The following GULP1 variants were observed in gnomAD, a reference collection of about 807,000 sequenced individuals.
GULP1 encodes the protein PTB domain-containing engulfment adapter protein 1.
In GULP1, 19 loss-of-function variants were observed where a neutral mutation model predicts 40.9. The ratio of observed to expected loss-of-function variants is 0.46; its 90% CI spans 0.32 to 0.68. The LOEUF is 0.68. Among genes scored for constraint, GULP1 ranks in the 30% least tolerant of loss-of-function variants. The pLI is 0.03. For synonymous variants in GULP1, 119 were observed against 117.6 expected (o/e 1.01, Z -0.08); for missense variants, 312 against 362.2 (o/e 0.86, Z 1.12).
intron 7 of GULP1, among the ~76,000 whole-genome samples, chr2:188,543,154 CTTG>C (rs1374858671): frequency 3.3e-5 from 5 of 151,896 alleles, no homozygotes; most frequent in African/African-American, 9.7e-5. Context: ...ACTATTTTCT[CTTG>C]TTGTGCGCAT....
chr2:188,378,278 GAAAA>G (rs71723258), intron 1 of GULP1, among the ~76,000 whole-genome samples: 1 of 95,542 alleles, frequency 1.0e-5, no homozygotes. Context: ...TCTCTATATA[GAAAA>G]AAAAAAAAAA....
At chr2:188,584,741 T>A (rs1702011756) in intron 10 of GULP1, among the ~76,000 whole-genome samples, 1 of 152,000 alleles carries the variant, frequency 6.6e-6, no homozygotes, top group Non-Finnish European at 1.5e-5. Flanking sequence ...ATTAAATTGA[T>A]CATTTTTTAC....
intron 2 of GULP1, among the ~76,000 whole-genome samples, chr2:188,437,054 C>T (rs1025975963): frequency 6.6e-6 from 1 of 152,044 alleles, no homozygotes; most frequent in Non-Finnish European, 1.5e-5. Context: ...GGTAGGACAA[C>T]TTTTCTAATA....
At chr2:188,532,168 C>G (rs1326708755) in intron 6 of GULP1, among the ~76,000 whole-genome samples, 1 of 152,172 alleles carries the variant, frequency 6.6e-6, no homozygotes, top group Non-Finnish European at 1.5e-5. Context: ...ATATTCTAAA[C>G]TCTAATAATT....
intron 2 of GULP1, among the ~76,000 whole-genome samples, chr2:188,461,446 G>A (rs1333634149): frequency 3.3e-5 from 5 of 150,128 alleles, no homozygotes; most frequent in African/African-American, 9.8e-5. Context: ...TCAGCCTCCC[G>A]AGTAGCTGAG....
intron 1 of GULP1, among the ~76,000 whole-genome samples, chr2:188,326,823 C>CTA (rs1295150467): frequency 1.3e-5 from 2 of 152,056 alleles, no homozygotes; most frequent in Non-Finnish European, 2.9e-5. Flanking sequence ...GACACTCTTC[C>CTA]TAGAAGCTCT....
chr2:188,455,888 G>A (rs2059215810), intron 2 of GULP1, among the ~76,000 whole-genome samples: 1 of 152,194 alleles, frequency 6.6e-6, no homozygotes, highest in Non-Finnish European at 1.5e-5. Flanking sequence ...TCCAGGCTGA[G>A]TTGGTCTCAG....
At chr2:188,411,487 T>C (rs1197140375) in intron 2 of GULP1, among the ~76,000 whole-genome samples, 2 of 152,122 alleles carry the variant, frequency 1.3e-5, no homozygotes, top group Non-Finnish European at 2.9e-5. Context: ...CACTGGGTGA[T>C]GAAAGGGGTG....
intron 7 of GULP1, among the ~76,000 whole-genome samples, chr2:188,548,618 A>T (rs1003980158): frequency 6.6e-6 from 1 of 152,046 alleles, no homozygotes; most frequent in Non-Finnish European, 1.5e-5. Flanking sequence ...TGGAATCACT[A>T]AAACAATTTC....
At chr2:188,536,081 G>A (rs941886277) in intron 6 of GULP1, among the ~76,000 whole-genome samples, 1 of 151,840 alleles carries the variant, frequency 6.6e-6, no homozygotes, top group Non-Finnish European at 1.5e-5. Context: ...GTTTCTTATA[G>A]AACCTGGGTA....
intron 1 of GULP1, among the ~76,000 whole-genome samples, chr2:188,361,484 C>T (rs1349960667): frequency 6.6e-6 from 1 of 151,668 alleles, no homozygotes; most frequent in Admixed American, 6.6e-5. Flanking sequence ...TAAGTGTTGG[C>T]GGAAACTATG....
intron 4 of GULP1, among the ~76,000 whole-genome samples, chr2:188,519,492 T>G (rs1004630424): frequency 1.3e-5 from 2 of 152,218 alleles, no homozygotes; most frequent in African/African-American, 2.4e-5. Flanking sequence ...CCATAAAGGA[T>G]CCATCTTTGC....
At chr2:188,394,887 C>T (rs1329582977) in intron 2 of GULP1, among the ~76,000 whole-genome samples, 2 of 152,152 alleles carry the variant, frequency 1.3e-5, no homozygotes, top group Non-Finnish European at 2.9e-5. Context: ...TGAAGAAGTT[C>T]ACTCTCTCCT....
intron 4 of GULP1, among the ~76,000 whole-genome samples, chr2:188,509,992 A>G (rs1283434288): frequency 6.6e-6 from 1 of 152,112 alleles, no homozygotes; most frequent in Non-Finnish European, 1.5e-5. Flanking sequence ...GGATTAGGAC[A>G]TAGAAATCAT....
chr2:188,376,807 A>C (rs575386491), intron 1 of GULP1, among the ~76,000 whole-genome samples: 1 of 152,344 alleles, frequency 6.6e-6, no homozygotes, highest in South Asian at 2.1e-4. Flanking sequence ...AAATAACCTG[A>C]TGATGTGCAT....
intron 9 of GULP1, among the ~76,000 whole-genome samples, chr2:188,574,663 A>AAAC (rs201593784): frequency 1.5e-4 from 23 of 152,218 alleles, no homozygotes; most frequent in African/African-American, 5.3e-4. Context: ...ACAAACAAAC[A>AAAC]AACAACAACA....
intron 7 of GULP1, among the ~76,000 whole-genome samples, chr2:188,550,391 G>A (rs963901557): frequency 6.6e-6 from 1 of 151,532 alleles, no homozygotes; most frequent in Non-Finnish European, 1.5e-5. Context: ...AAATATAATT[G>A]CTGTCAACTG....
At chr2:188,430,556 CT>C (rs1298851945) in intron 2 of GULP1, among the ~76,000 whole-genome samples, 2 of 152,188 alleles carry the variant, frequency 1.3e-5, no homozygotes, top group Non-Finnish European at 2.9e-5. Flanking sequence ...ATAATGAACA[CT>C]TTAAACATAT....
intron 2 of GULP1, among the ~76,000 whole-genome samples, chr2:188,460,238 T>C (rs987383219): frequency 1.3e-5 from 2 of 152,164 alleles, no homozygotes; most frequent in African/African-American, 4.8e-5. Flanking sequence ...TTTAGGGTAG[T>C]ATGTACATTT....
Sources: allele counts gnomAD v4.1 joint callset (sites outside exome capture counted in the v4.1 genomes callset), GRCh38; gene constraint gnomAD v4.1.1; transcripts MANE v1.5; gene names NCBI Gene and HGNC (gene_info 2026-07-23, HGNC 2026-07-21).